Variants in FAT1 observed in about 807,000 individuals in gnomAD.
FAT1 encodes the protein FAT atypical cadherin 1, also known as protocadherin Fat 1.
Under a neutral mutation model 329.8 loss-of-function variants are expected in FAT1, and 171 were observed. The observed-to-expected ratio is 0.52, with a 90% CI of 0.46 to 0.59. The LOEUF is 0.59. FAT1 is among the 20% of genes least tolerant of loss of function. FAT1 has a pLI of 0.00. For missense variants in FAT1, 5,672 were observed against 5,774.4 expected, an observed-to-expected ratio of 0.98 and a Z score of 0.57; for synonymous variants, 2,233 against 2,228.6, an observed-to-expected ratio of 1.00 and a Z score of -0.06.
Position 186,619,744 on chromosome 4 carries a change from G to C in FAT1, c.6842C>G (p.Pro2281Arg), listed in dbSNP as rs2126508719. ...CGCATAAGACTGCTGAGCAAACACA[G>C]GAGGGTTATCATTGATGTCGTCTAC... is the stretch of plus-strand genomic sequence containing the variant. ...IIVDDINDNP[P>R]VFAQQSYAVT... Residue 2281 changes from proline to arginine, a missense_variant, in exon 10 of 27, where the codon CCT becomes CGT. Physicochemically the swap from Pro to Arg is moderately radical, Grantham distance 103 (BLOSUM62 -2). Coordinates refer to ENST00000441802, the MANE Select transcript of FAT1 (RefSeq NM_005245.4). The C allele has an allele frequency of 6.2e-7, 1 of 1,613,994 alleles. No homozygotes were observed. The highest frequency in any genetic ancestry group is 8.5e-7 in the Non-Finnish European group (1 of 1,179,890).
intron 3 of FAT1, among the ~76,000 whole-genome samples, chr4:186,641,246 T>C (rs1320544493): frequency 6.6e-6 from 1 of 152,222 alleles, no homozygotes; most frequent in East Asian, 1.9e-4. Context: ...GGCTATATCA[T>C]ACCTCCACAC....
In FAT1 at chr4:186,588,700, G is replaced by A. The variant is rs1179253893; in HGVS notation, c.13659C>T (p.Cys4553=). The A allele has an allele frequency of 8.1e-6, 13 of 1,613,796 alleles. No individual in the cohort carries two copies. In the Admixed American group the frequency reaches 1.0e-4, roughly 12 times the overall value. Residue 4553 remains cysteine, a synonymous_variant, in exon 27 of 27, where the codon TGC becomes TGT. Transcript: ENST00000441802. ...TASCSDVSAC[C]EVESEVMMSD... is the part of the protein sequence containing the mutation. ...TCATCATGACCTCGGACTCCACTTC[G>A]CAGCAGGCTGACACGTCAGAGCAGG... is the stretch of plus-strand genomic sequence containing the variant.
At position 186,601,304 on chromosome 4, in the gene FAT1, T is replaced by G. The variant is rs751829764; in HGVS notation, c.11605A>C (p.Met3869Leu). 2 of 1,610,718 alleles carry G rather than the reference T, an allele frequency of 1.2e-6. No homozygotes were observed. The highest frequency in any genetic ancestry group is 1.7e-5 in the Admixed American group (1 of 59,990). ...LRTYSTHAVV[M>L]YARGTDYSIL... ...CTATAGTCAGTTCCTCGAGCATACA[T>G]GACAACCGCATGCGTGGAATATGTT... Residue 3869 changes from methionine to leucine, a missense_variant, in exon 21 of 27, where the codon ATG becomes CTG. By Grantham distance (15) the Met-to-Leu change is conservative (BLOSUM62 2). Around this residue, in one of 2 missense-constraint regions of FAT1, gnomAD observed 1,706 missense variants for 1,859.1 expected, o/e 0.92. Coordinates refer to ENST00000441802, the MANE Select transcript of FAT1 (RefSeq NM_005245.4).
At chr4:186,690,109 A>G (rs1195982015) in intron 2 of FAT1, among the ~76,000 whole-genome samples, 1 of 152,230 alleles carries the variant, frequency 6.6e-6, no homozygotes, top group Non-Finnish European at 1.5e-5. Flanking sequence ...AGAAAAGTGT[A>G]GTAGAATTCA....
At chr4:186,704,213 A>G (rs959046949) in intron 2 of FAT1, among the ~76,000 whole-genome samples, 1 of 152,176 alleles carries the variant, frequency 6.6e-6, no homozygotes, top group African/African-American at 2.4e-5. Flanking sequence ...TTATATACTT[A>G]CCAACCACAC....
At chr4:186,703,539 TA>T (rs993742883) in intron 2 of FAT1, among the ~76,000 whole-genome samples, 49 of 152,246 alleles carry the variant, frequency 3.2e-4, no homozygotes, top group African/African-American at 1.1e-3. Flanking sequence ...CTAGTAGCTT[TA>T]AGTCAAAGAC....
At chr4:186,612,741 G>A (rs1739504991) in intron 13 of FAT1, among the ~76,000 whole-genome samples, 1 of 152,142 alleles carries the variant, frequency 6.6e-6, no homozygotes, top group Non-Finnish European at 1.5e-5. Context: ...TGAAAGGTTT[G>A]TAAACCTATC....
chr4:186,630,878 T>C lies in FAT1; in HGVS notation c.4324-2115A>G, dbSNP rs983693164. ...AGTTAAAGAAGATATGAAAGCAAAG[T>C]TGTTTGAATGAAAGAAAAAAAAGGT... On this transcript the variant is annotated intron_variant, in intron 7 of 26. Coordinates refer to ENST00000441802, the MANE Select transcript of FAT1 (RefSeq NM_005245.4). 5.3e-5 allele frequency among the ~76,000 whole-genome samples: 8 copies of C among 152,060 alleles called. No homozygotes were observed. The East Asian group carries it at 1.6e-3, about 30-fold the overall frequency.
At chr4:186,632,246 G>GCA (rs1740634210) in intron 7 of FAT1, among the ~76,000 whole-genome samples, 1 of 152,112 alleles carries the variant, frequency 6.6e-6, no homozygotes, top group African/African-American at 2.4e-5. Flanking sequence ...GGAAAGAGGT[G>GCA]CACTGTTAAT....
chr4:186,633,902 TG>T, intron 6 of FAT1, 79 bp from the exon 7 acceptor site: 1 of 1,514,766 alleles, frequency 6.6e-7, no homozygotes, highest in South Asian at 1.2e-5. Context: ...TCATACTTAA[TG>T]GCACTGAAAA....
chr4:186,657,689 G>A (rs947824002), intron 3 of FAT1, among the ~76,000 whole-genome samples: 1 of 152,132 alleles, frequency 6.6e-6, no homozygotes, highest in Non-Finnish European at 1.5e-5. Context: ...TCAATACTTG[G>A]TTTGTAGCAA....
In FAT1 at chr4:186,606,110, G is replaced by T. The variant is rs754008095; in HGVS notation, c.10310C>A (p.Ala3437Glu). 1 of 1,613,208 alleles carries T rather than the reference G, an allele frequency of 6.2e-7. No homozygotes were observed. The highest frequency in any genetic ancestry group is 2.2e-5 in the East Asian group (1 of 44,842). ...GTAGTTTCCCCTGGAGAAGACGGGC[G>T]CGTTGTCATTGACATCGGACACATC... ...NIDVSDVNDN[A>E]PVFSRGNYSV... Residue 3437 changes from alanine (A) to glutamate (E), a missense_variant, in exon 17 of 27, where the codon GCG (alanine) becomes GAG (glutamate). Physicochemically the swap from Ala to Glu is moderately radical, Grantham distance 107. Transcript: ENST00000441802.
chr4:186,605,978 A>G (rs1040717463), intron 17 of FAT1, 92 bp downstream of exon 17: 3 of 1,234,986 alleles, frequency 2.4e-6, no homozygotes, highest in Non-Finnish European at 3.4e-6. Flanking sequence ...TTTTCTAGAA[A>G]GAAACCTTTG....
chr4:186,597,209 G>A (rs2126396590), intron 24 of FAT1, 38 bp from the exon 25 acceptor site: 1 of 1,527,366 alleles, frequency 6.5e-7, no homozygotes, highest in Non-Finnish European at 8.8e-7. Context: ...GACCTCTGTA[G>A]CATACGCCAG....
At chr4:186,722,014 T>C (rs1259558793) in intron 1 of FAT1, among the ~76,000 whole-genome samples, 1 of 152,160 alleles carries the variant, frequency 6.6e-6, no homozygotes, top group East Asian at 1.9e-4. Flanking sequence ...AATTTTGTAT[T>C]TTTAGTAGAG....
chr4:186,714,336 A>C (rs1425874605), intron 1 of FAT1, among the ~76,000 whole-genome samples: 1 of 152,142 alleles, frequency 6.6e-6, no homozygotes, highest in African/African-American at 2.4e-5. Context: ...AAGACTGCTC[A>C]GCGTAGAGAA....
chr4:186,605,220 A>AG (rs1332921988), intron 17 of FAT1, among the ~76,000 whole-genome samples: 4 of 146,742 alleles, frequency 2.7e-5, no homozygotes, highest in Non-Finnish European at 6.0e-5. Flanking sequence ...ATCTCAGAAA[A>AG]AAAAAAAAAA....
intron 3 of FAT1, among the ~76,000 whole-genome samples, chr4:186,641,261 G>T (rs963736240): frequency 1.3e-5 from 2 of 152,192 alleles, no homozygotes; most frequent in Non-Finnish European, 2.9e-5. Context: ...CCACACTGGG[G>T]TTTTCCCAGA....
intron 12 of FAT1, 93 bp from the exon 13 acceptor site, chr4:186,613,435 AG>A: frequency 1.1e-6 from 1 of 930,588 alleles, no homozygotes; most frequent in Admixed American, 1.9e-5. Context: ...TCAATTACTT[AG>A]TCTGAGTATT....
Sources: gnomAD v4.1 joint callset for allele counts (sites outside exome capture counted in the v4.1 genomes callset) on GRCh38, gnomAD v4.1.1 for gene constraint, gnomAD v4.1.1 regional missense constraint, MANE v1.5 for transcripts, NCBI Gene and HGNC (gene_info 2026-07-23, HGNC 2026-07-21) for gene names.